ANKRD13A: variants seen among roughly 807,000 people sequenced by gnomAD.
The protein encoded by ANKRD13A is ankyrin repeat domain-containing protein 13A.
A neutral mutation model predicts 81.3 loss-of-function variants in ANKRD13A; 48 were observed. The ratio of observed to expected loss-of-function variants is 0.59; its 90% confidence interval spans 0.47 to 0.75. The LOEUF (loss-of-function observed/expected upper bound fraction) is 0.75. ANKRD13A is among the 30% of genes least tolerant of loss of function. The pLI, the probability that ANKRD13A is intolerant of heterozygous loss-of-function variation, is 0.00. For missense variants in ANKRD13A, 612 were observed against 734.0 expected (o/e 0.83, Z 1.92); for synonymous variants, 230 against 270.1 (o/e 0.85, Z 1.45).
intron 3 of ANKRD13A, among the ~76,000 whole-genome samples, 155 bp from the exon 4 acceptor site, chr12:110,016,233 C>T (rs1890796567): frequency 6.6e-6 from 1 of 152,018 alleles, no homozygotes; most frequent in Non-Finnish European, 1.5e-5. Context: ...CTGGCATGAG[C>T]CACCTCACCC....
At position 110,011,876 on chromosome 12, in the gene ANKRD13A, T is replaced by C. The variant is rs1890541301; in HGVS notation, c.97-129T>C. The C allele has an allele frequency of 3.5e-6, 3 of 849,290 alleles. No homozygotes were observed. In the East Asian group the frequency reaches 8.0e-5, roughly 23 times the overall value. 52.6% of individuals were successfully genotyped at this position (849,290 alleles called of 1,614,324 possible). ...TGTGCCCAAATGCAAACATACCTTC[T>C]TACATGTGTTGCTCTAATTAATGCA... On this transcript the variant is annotated intron_variant, in intron 1 of 14. Transcript: ENST00000261739.
At position 110,030,733 on chromosome 12, in the gene ANKRD13A, T is replaced by A. The variant is rs949645953; in HGVS notation, c.1323T>A (p.Asn441Lys). ...CSTAEESVSQ[N>K]VEGTQADSAS... ...CTGCCGAAGAATCTGTATCTCAAAATGTGGAAGGGACCCAGGCTGATTCAG... is the reference window on the plus strand; with the variant it reads ...CTGCCGAAGAATCTGTATCTCAAAAAGTGGAAGGGACCCAGGCTGATTCAG... Residue 441 changes from asparagine to lysine, a missense_variant, in exon 12 of 15, where the codon AAT (asparagine) becomes AAA (lysine). Transcript: ENST00000261739. The A allele has an allele frequency of 8.7e-6, 14 of 1,607,532 alleles. 1 individual carries two copies. The Middle Eastern group carries it at 8.3e-4, about 95-fold the overall frequency.
chr12:110,012,032 C>T lies in ANKRD13A; in HGVS notation c.124C>T (p.Arg42Ter), dbSNP rs760763747. The T allele has an allele frequency of 1.2e-6, 2 of 1,609,876 alleles. No homozygotes were observed. The highest frequency in any genetic ancestry group is 1.1e-5 in the South Asian group (1 of 90,880). The change falls in exon 2 of 15, where the codon CGA becomes TGA. Residue 42 changes from arginine (R) to a stop codon, truncating the protein, a stop_gained. Transcript: ENST00000261739. LOFTEE classifies it high-confidence loss of function. Reference protein sequence around the residue: ...QNVEAVDPRGRTLLHLAVSLG... With the variant: ...QNVEAVDPRG ...TGTGGAGGCTGTGGACCCACGAGGTCGAACATTATTGCATCTTGCTGTTTC... is the reference window on the plus strand; with the variant it reads ...TGTGGAGGCTGTGGACCCACGAGGTTGAACATTATTGCATCTTGCTGTTTC...
chr12:110,004,141 G>C (rs943675337), intron 1 of ANKRD13A, among the ~76,000 whole-genome samples: 2 of 151,572 alleles, frequency 1.3e-5, no homozygotes, highest in African/African-American at 4.8e-5. Flanking sequence ...CCCGGCAACA[G>C]TATGAGACTC....
In ANKRD13A at chr12:110,027,765, G is replaced by A; in HGVS notation, c.944G>A (p.Gly315Glu). Residue 315 changes from glycine to glutamate, a missense_variant and splice_region_variant, in exon 9 of 15, where the codon GGG becomes GAG. Transcript: ENST00000261739. ...GTVEHQFGAQ[G>E]DLTTECATAN... ...GTGGAACACCAATTTGGTGCACAAG[G>A]GGTAAGTTGAAGCAATGAGCTTTCA... 6.2e-7 allele frequency: 1 copy of A among 1,614,136 alleles called. No individual in the cohort carries two copies. The highest frequency in any genetic ancestry group is 8.5e-7 in the Non-Finnish European group (1 of 1,180,012).
intron 1 of ANKRD13A, among the ~76,000 whole-genome samples, chr12:110,010,039 G>A (rs1234697422): frequency 1.3e-5 from 2 of 152,060 alleles, no homozygotes; most frequent in Admixed American, 1.3e-4. Flanking sequence ...GCTAATTTTT[G>A]TATTTTTAGT....
intron 1 of ANKRD13A, among the ~76,000 whole-genome samples, chr12:110,005,094 G>A (rs931548612): frequency 7.2e-5 from 11 of 152,072 alleles, no homozygotes; most frequent in African/African-American, 2.4e-4. Flanking sequence ...TATCTGCTGA[G>A]TTATGCAACT....
chr12:110,015,475 G>A (rs1302719753), intron 3 of ANKRD13A, among the ~76,000 whole-genome samples: 1 of 152,204 alleles, frequency 6.6e-6, no homozygotes, highest in East Asian at 1.9e-4. Context: ...CTTACTGTTA[G>A]GAACCTGACT....
intron 6 of ANKRD13A, among the ~76,000 whole-genome samples, chr12:110,023,344 A>G (rs566180952): frequency 2.8e-4 from 43 of 152,292 alleles, no homozygotes; most frequent in Non-Finnish European, 5.0e-4. Flanking sequence ...GATTTTGGGC[A>G]TATTACCAAT....
At chr12:110,013,882 C>G (rs1890652291) in intron 3 of ANKRD13A, among the ~76,000 whole-genome samples, 1 of 151,942 alleles carries the variant, frequency 6.6e-6, no homozygotes, top group Non-Finnish European at 1.5e-5. Context: ...TGTTTAGGTG[C>G]CTGTTTTCTT....
intron 6 of ANKRD13A, chr12:110,021,164 GA>G (rs1342091146): frequency 2.2e-6 from 1 of 456,778 alleles, no homozygotes; most frequent in African/African-American, 2.0e-5. Flanking sequence ...AGCTGAGAGA[GA>G]ATTTTTGGAA....
chr12:110,009,349 G>A lies in ANKRD13A; in HGVS notation c.97-2656G>A, dbSNP rs1453552134. ...ACCCGCCTCGGCCTCTCAAAGTGTT[G>A]GGATTACAGGCATGAGCCACTGCAC... On this transcript the variant is annotated intron_variant, in intron 1 of 14. Transcript: ENST00000261739. 3.3e-5 allele frequency among the ~76,000 whole-genome samples: 5 copies of A among 152,142 alleles called. No individual in the cohort carries two copies. In the East Asian group the frequency reaches 9.6e-4, roughly 29 times the overall value.
At chr12:110,034,529 T>G (rs911274407) in intron 13 of ANKRD13A, among the ~76,000 whole-genome samples, 1 of 152,186 alleles carries the variant, frequency 6.6e-6, no homozygotes, top group East Asian at 1.9e-4. Flanking sequence ...CTCAAACTCC[T>G]GGGTTCAAGA....
intron 11 of ANKRD13A, among the ~76,000 whole-genome samples, chr12:110,030,044 T>C (rs1490417785): frequency 6.6e-6 from 1 of 152,264 alleles, no homozygotes; most frequent in Non-Finnish European, 1.5e-5. Flanking sequence ...TAATGCTATA[T>C]ATGTATATAT....
At chr12:110,002,960 A>T (rs1337952460) in intron 1 of ANKRD13A, among the ~76,000 whole-genome samples, 1 of 152,250 alleles carries the variant, frequency 6.6e-6, no homozygotes, top group Non-Finnish European at 1.5e-5. Context: ...TCATTTGATC[A>T]GCAGAGGCAT....
At chr12:110,030,546 T>C in intron 11 of ANKRD13A, 99 bp from the exon 12 acceptor site, 1 of 572,886 alleles carries the variant, frequency 1.7e-6, no homozygotes, top group Non-Finnish European at 2.9e-6. Context: ...AAAATTATAC[T>C]TATCAAAGTA....
chr12:110,022,085 A>T (rs553326223), intron 6 of ANKRD13A: 40 of 152,286 alleles, frequency 2.6e-4, no homozygotes, highest in African/African-American at 8.9e-4. Flanking sequence ...CAAGGGCCAC[A>T]GAGTTATTAG....
At chr12:110,006,964 C>A (rs1241131947) in intron 1 of ANKRD13A, among the ~76,000 whole-genome samples, 1 of 152,184 alleles carries the variant, frequency 6.6e-6, no homozygotes, top group East Asian at 1.9e-4. Context: ...ACAGTTCTTT[C>A]CCAATGAATT....
In ANKRD13A at chr12:110,036,158, T is replaced by C. The variant is rs151289036; in HGVS notation, c.1510-103T>C. 9.2e-5 allele frequency: 101 copies of C among 1,102,892 alleles called. No individual in the cohort carries two copies. The African/African-American group carries it at 1.2e-3, about 14-fold the overall frequency. 68.3% of individuals were successfully genotyped at this position (1,102,892 alleles called of 1,614,324 possible). ...CACACAGCACTATTGATAATGGTCA[T>C]GGAAAGACTTTTAATTTGGTTCTTG... On this transcript the variant is annotated intron_variant, in intron 13 of 14. Transcript: ENST00000261739. This position sits in a 1 kb window ranked among gnomAD's most constrained non-coding sequence, Gnocchi z 4.6.
Sources: gnomAD v4.1 joint callset for allele counts (sites outside exome capture counted in the v4.1 genomes callset) on GRCh38, gnomAD v4.1.1 for gene constraint, Gnocchi (gnomAD v3.1) non-coding constraint, MANE v1.5 for transcripts, NCBI Gene and HGNC (gene_info 2026-07-23, HGNC 2026-07-21) for gene names.